TLDC2: variants seen among roughly 807,000 people sequenced by gnomAD.
TLDC2 encodes the protein TLD domain-containing protein 2.
Under a neutral mutation model 27.9 loss-of-function variants are expected in TLDC2, and 23 were observed. The ratio of observed to expected loss-of-function variants is 0.82; its 90% CI spans 0.59 to 1.17. TLDC2 has a LOEUF of 1.17. TLDC2 is among the 50% of genes most tolerant of loss of function. The pLI, the probability that TLDC2 is intolerant of heterozygous loss-of-function variation, is 0.00. For missense variants in TLDC2, 286 were observed against 273.4 expected, an observed-to-expected ratio of 1.05 and a Z score of -0.32; for synonymous variants, 124 against 107.4, an observed-to-expected ratio of 1.16 and a Z score of -0.96.
chr20:36,885,376 G>C (rs1989900421), intron 4 of TLDC2, among the ~76,000 whole-genome samples: 1 of 152,138 alleles, frequency 6.6e-6, no homozygotes, highest in South Asian at 2.1e-4. Flanking sequence ...TATTGTTATG[G>C]AATCTCATCT....
At chr20:36,892,577 G>A (rs934579057) in intron 6 of TLDC2, 7 of 315,964 alleles carry the variant, frequency 2.2e-5, no homozygotes, top group Non-Finnish European at 3.6e-5. Flanking sequence ...GGTCGCTTGA[G>A]CCCAGGAAAG....
At chr20:36,887,375 C>A in intron 4 of TLDC2, 80 bp from the exon 5 acceptor site, 1 of 1,255,818 alleles carries the variant, frequency 8.0e-7, no homozygotes, top group Non-Finnish European at 1.2e-6. Context: ...ACAACACTGC[C>A]ATCCAGTGGT....
chr20:36,891,653 G>A (rs1990076914), intron 6 of TLDC2: 1 of 152,274 alleles, frequency 6.6e-6, no homozygotes, highest in Non-Finnish European at 1.5e-5. Flanking sequence ...GGAGCCCACT[G>A]GGTGGTCACT....
chr20:36,877,121 C>A (rs187870481), intron 1 of TLDC2, among the ~76,000 whole-genome samples: 4 of 152,292 alleles, frequency 2.6e-5, no homozygotes, highest in African/African-American at 9.6e-5. Context: ...CGCGGTGGCT[C>A]ACGCCTGTAA....
chr20:36,879,289 G>C (rs1196194130), intron 3 of TLDC2, 96 bp downstream of exon 3: 3 of 1,452,432 alleles, frequency 2.1e-6, no homozygotes, highest in Non-Finnish European at 2.7e-6. Flanking sequence ...AGCAGGCAGA[G>C]TGACAGACTA....
intron 2 of TLDC2, 39 bp from the exon 3 acceptor site, chr20:36,879,002 G>C: frequency 6.2e-7 from 1 of 1,613,800 alleles, no homozygotes; most frequent in South Asian, 1.1e-5. Flanking sequence ...AGGAGGGCGC[G>C]AGGAGAACTC....
At chr20:36,877,110 G>A (rs1274543540) in intron 1 of TLDC2, among the ~76,000 whole-genome samples, 1 of 152,156 alleles carries the variant, frequency 6.6e-6, no homozygotes, top group African/African-American at 2.4e-5. Flanking sequence ...AGAAGGCCAG[G>A]CGCGGTGGCT....
intron 1 of TLDC2, among the ~76,000 whole-genome samples, chr20:36,877,392 A>AG (rs1460426608): frequency 6.6e-6 from 1 of 151,732 alleles, no homozygotes; most frequent in Non-Finnish European, 1.5e-5. Flanking sequence ...AAAAAAAAAA[A>AG]AAAAGGAAAA....
intron 3 of TLDC2, among the ~76,000 whole-genome samples, chr20:36,880,066 T>TAC (rs1257670114): frequency 1.5e-5 from 1 of 65,832 alleles, no homozygotes; most frequent in African/African-American, 5.6e-5. Flanking sequence ...AGAATATATA[T>TAC]ATACATATAT....
rs770694750 is a variant in TLDC2, at chr20:36,887,572, TGGTCCCTTTC to T, written c.512+45_512+54del. The T allele has an allele frequency of 5.1e-6, 8 of 1,575,336 alleles. No individual in the cohort carries two copies. In the East Asian group the frequency reaches 1.8e-4, roughly 35 times the overall value. On this transcript the variant is annotated intron_variant, in intron 5 of 6. Coordinates refer to ENST00000217320, the MANE Select transcript of TLDC2 (RefSeq NM_080628.3). The stretch of plus-strand genomic sequence containing the variant: ...CCGAGTCTTGGGGCGGTCTGTGTTC[TGGTCCCTTTC>T]CCTCTGCCGAACTGCTGGGCTAGGC...
intron 6 of TLDC2, chr20:36,890,070 G>A (rs1445361570): frequency 1.3e-5 from 2 of 152,258 alleles, no homozygotes; most frequent in African/African-American, 2.4e-5. Flanking sequence ...CTGGCCTGCT[G>A]CAGAATGTTG....
At chr20:36,887,549 G>T (rs1225527380) in intron 5 of TLDC2, 21 bp downstream of exon 5, 6 of 1,609,600 alleles carry the variant, frequency 3.7e-6, no homozygotes, top group Non-Finnish European at 5.1e-6. Flanking sequence ...CAGTCTTCCC[G>T]AGTCTTGGGG....
intron 5 of TLDC2, among the ~76,000 whole-genome samples, chr20:36,887,918 G>A (rs1213963689): frequency 6.6e-6 from 1 of 152,098 alleles, no homozygotes; most frequent in Non-Finnish European, 1.5e-5. Flanking sequence ...GGGGTAGAGA[G>A]AGGTAGGAAA....
chr20:36,877,850 C>T (rs767712351), intron 1 of TLDC2, 49 bp from the exon 2 acceptor site: 3 of 1,565,824 alleles, frequency 1.9e-6, no homozygotes, highest in Non-Finnish European at 2.6e-6. Context: ...ATGGTAGAAG[C>T]TGGGACCTCC....
chr20:36,880,643 T>C lies in TLDC2; in HGVS notation c.343-12T>C, dbSNP rs1445909846. 1 of 1,613,100 alleles carries C rather than the reference T, an allele frequency of 6.2e-7. No homozygotes were observed. Among genetic ancestry groups the C allele is most frequent in the Non-Finnish European group, 8.5e-7 (1 of 1,179,144 alleles). On this transcript the variant is annotated splice_polypyrimidine_tract_variant and intron_variant, in intron 3 of 6. Transcript: ENST00000217320. ...TCCCTTCCAGCTGCAGACTACAACT[T>C]CCACTTTCCAGATATTTGGAGCCTT...
At chr20:36,879,776 G>A (rs1989759663) in intron 3 of TLDC2, among the ~76,000 whole-genome samples, 5 of 151,620 alleles carry the variant, frequency 3.3e-5, no homozygotes, top group African/African-American at 4.8e-5. Context: ...CAGGGGTGTT[G>A]CAGGGTAGTT....
At chr20:36,878,248 C>T (rs377177272) in intron 2 of TLDC2, among the ~76,000 whole-genome samples, 194 bp downstream of exon 2, 6 of 152,116 alleles carry the variant, frequency 3.9e-5, no homozygotes, top group Non-Finnish European at 7.4e-5. Context: ...GTGTTGCTAG[C>T]ACCTCCCTCT....
intron 5 of TLDC2, 34 bp from the exon 6 acceptor site, chr20:36,889,217 G>T: frequency 2.5e-6 from 4 of 1,609,618 alleles, no homozygotes; most frequent in Non-Finnish European, 3.4e-6. Context: ...GCACACAGGA[G>T]TGAGCCGCAC....
intron 4 of TLDC2, among the ~76,000 whole-genome samples, chr20:36,885,520 A>T (rs1043251542): frequency 5.3e-5 from 8 of 152,220 alleles, no homozygotes; most frequent in African/African-American, 1.9e-4. Flanking sequence ...AGCAACGTGT[A>T]TCTTACTCCT....
Sources: gnomAD v4.1 joint callset for allele counts (sites outside exome capture counted in the v4.1 genomes callset) on GRCh38, gnomAD v4.1.1 for gene constraint, MANE v1.5 for transcripts, NCBI Gene and HGNC (gene_info 2026-07-23, HGNC 2026-07-21) for gene names.